Variants in MYT1L observed in about 807,000 individuals in gnomAD.
MYT1L encodes the protein myelin transcription factor 1-like protein.
Under a neutral mutation model 126.7 loss-of-function variants are expected in MYT1L, and 12 were observed. The ratio of observed to expected loss-of-function variants is 0.09; its 90% CI spans 0.06 to 0.15. The LOEUF is 0.15. MYT1L is among the 10% of genes least tolerant of loss of function. The probability of loss-of-function intolerance (pLI) is 1.00; values close to 1 mark genes in which losing one functional copy is unlikely to be tolerated. For synonymous variants in MYT1L, 541 were observed against 604.2 expected, an observed-to-expected ratio of 0.90 and a Z score of 1.53; for missense variants, 979 against 1,585.2, an observed-to-expected ratio of 0.62 and a Z score of 6.49.
At chr2:2,254,318 T>TC (rs1406462003) in intron 2 of MYT1L, among the ~76,000 whole-genome samples, 1 of 152,202 alleles carries the variant, frequency 6.6e-6, no homozygotes, top group Admixed American at 6.5e-5. Context: ...AGAGTCGAAC[T>TC]CCATCAATCC....
intron 18 of MYT1L, among the ~76,000 whole-genome samples, chr2:1,857,076 C>A (rs1393708737): frequency 6.6e-6 from 1 of 152,158 alleles, no homozygotes; most frequent in Admixed American, 6.6e-5. Context: ...GTCCTCCCAG[C>A]CTGACTCAGT....
rs1328305187 is a variant in MYT1L at position 2,224,716 on chromosome 2, AG to A, written c.-420-51729del. On this transcript the variant is annotated intron_variant, in intron 2 of 24. Transcript: ENST00000647738. This position sits in a 1 kb window ranked among gnomAD's most constrained non-coding sequence, Gnocchi z 4.0. Reference sequence around the variant, plus strand: ...CACCTGTAGTCCCAGCTACTTGGGAAGCTGAGACAGGAGAATGACATGAACC... The same window carrying A: ...CACCTGTAGTCCCAGCTACTTGGGAACTGAGACAGGAGAATGACATGAACC... Among the ~76,000 whole-genome samples the A allele has an allele frequency of 6.6e-6, 1 of 151,976 alleles. No homozygotes were observed. The highest frequency in any genetic ancestry group is 1.5e-5 in the Non-Finnish European group (1 of 67,966).
intron 2 of MYT1L, among the ~76,000 whole-genome samples, chr2:2,196,609 A>T (rs867249513): frequency 2.8e-4 from 42 of 151,854 alleles, no homozygotes; most frequent in Admixed American, 3.3e-4. Flanking sequence ...ACAGTAACAC[A>T]CAAATAGGGG....
chr2:1,922,908 G>A lies in MYT1L; in HGVS notation c.861C>T (p.Asp287=). The change falls in exon 10 of 25, where the codon GAC becomes GAT. Residue 287 remains aspartate, a synonymous_variant. Transcript: ENST00000647738. The surrounding 1 kb of genome is among the most constrained non-coding windows in gnomAD (Gnocchi z 7.4). The part of the protein sequence containing the change: ...SENMNDRNYA[D]SMSQQDSRNM... ...TTCTACTGTCTTGCTGCGACATGCTGTCTGCATAATTTCTGTCATTCATGT... is the reference window on the plus strand; with the variant it reads ...TTCTACTGTCTTGCTGCGACATGCTATCTGCATAATTTCTGTCATTCATGT... 1 of 1,614,018 alleles carries A rather than the reference G, an allele frequency of 6.2e-7. No homozygotes were observed. Among genetic ancestry groups the A allele is most frequent in the Non-Finnish European group, 8.5e-7 (1 of 1,179,902 alleles).
chr2:1,969,587 G>A (rs1030195044), intron 8 of MYT1L, among the ~76,000 whole-genome samples: 7 of 152,202 alleles, frequency 4.6e-5, no homozygotes, highest in African/African-American at 1.2e-4. Flanking sequence ...CTAGGAAGGC[G>A]GCCCCGCCTC....
intron 18 of MYT1L, among the ~76,000 whole-genome samples, chr2:1,880,406 C>T (rs1007908810): frequency 6.6e-6 from 1 of 152,104 alleles, no homozygotes; most frequent in Non-Finnish European, 1.5e-5. Context: ...GGCGCGATCT[C>T]GGCTCACTGC....
In MYT1L at chr2:2,099,987, G is replaced by A. The variant is rs147396216; in HGVS notation, c.-303-45864C>T. Among the ~76,000 whole-genome samples the A allele has an allele frequency of 2.6e-5, 4 of 152,296 alleles. No individual in the cohort carries two copies. In the East Asian group the frequency reaches 7.7e-4, roughly 29 times the overall value. ...AGTGGGAATGGGCGCCATAGGCCTT[G>A]TCCATCCTCACCCTGTCCATCCTCA... On this transcript the variant is annotated intron_variant, in intron 3 of 24. Coordinates refer to ENST00000647738, the MANE Select transcript of MYT1L (RefSeq NM_001303052.2).
At chr2:1,990,862 C>T (rs1305488193) in intron 5 of MYT1L, among the ~76,000 whole-genome samples, 2 of 152,214 alleles carry the variant, frequency 1.3e-5, no homozygotes, top group African/African-American at 4.8e-5. Flanking sequence ...AAGGCTGGCG[C>T]ATGCCCTGGT....
At chr2:2,137,747 A>C (rs181368195) in intron 3 of MYT1L, among the ~76,000 whole-genome samples, 171 of 152,276 alleles carry the variant, frequency 1.1e-3, no homozygotes, top group African/African-American at 3.5e-3. Context: ...CTAGAAGAAA[A>C]CCTAGGCACT....
At chr2:1,946,222 C>G (rs1200588385) in intron 8 of MYT1L, among the ~76,000 whole-genome samples, 1 of 152,048 alleles carries the variant, frequency 6.6e-6, no homozygotes, top group Non-Finnish European at 1.5e-5. Context: ...TCTCCCATCA[C>G]ACCCAGATGG....
In MYT1L at chr2:1,943,372, A is replaced by G. The variant is rs2056879406; in HGVS notation, c.153-38T>C. On this transcript the variant is annotated intron_variant, in intron 8 of 24. Transcript: ENST00000647738. The surrounding 1 kb of genome is among the most constrained non-coding windows in gnomAD (Gnocchi z 4.4). ...ATAGAGAAGGCAGGGGAGAGAGAGA[A>G]AAAAAATATCTGTGTTACTGTCTTT... The G allele has an allele frequency of 1.3e-6, 2 of 1,491,692 alleles. No individual in the cohort carries two copies. The highest frequency in any genetic ancestry group is 1.4e-5 in the South Asian group (1 of 71,636). 92.4% of individuals were successfully genotyped at this position (1,491,692 alleles called of 1,614,324 possible). A position where few individuals can be genotyped will look rare whatever the true frequency, so the allele number is the denominator to read the frequency against.
At position 2,330,219 on chromosome 2, in the gene MYT1L, C is replaced by A. The variant is rs2096276490; in HGVS notation, c.-521+748G>T. Among the ~76,000 whole-genome samples the A allele has an allele frequency of 2.0e-5, 3 of 152,108 alleles. No homozygotes were observed. The South Asian group carries it at 6.2e-4, about 32-fold the overall frequency. ...AAGGCTCTTATATAAAATAGTTTTA[C>A]TCTAAGTAACTTAGAAATTATTTAG... On this transcript the variant is annotated intron_variant, in intron 1 of 24. Coordinates refer to ENST00000647738, the MANE Select transcript of MYT1L (RefSeq NM_001303052.2).
rs373452410 is a variant in MYT1L, at chr2:2,226,465, C to T, written c.-420-53477G>A. ...GAGTCATGGCCGTGGACACCGCTCT[C>T]CTGGATCCCGTCCACCCTGGGGATG... On this transcript the variant is annotated intron_variant, in intron 2 of 24. Transcript: ENST00000647738. Among the ~76,000 whole-genome samples the T allele has an allele frequency of 3.7e-4, 56 of 152,304 alleles. 1 individual carries two copies. Among genetic ancestry groups the T allele is most frequent in the African/African-American group, 1.2e-3 (51 of 41,558 alleles).
chr2:2,262,341 G>A (rs902395294), intron 2 of MYT1L, among the ~76,000 whole-genome samples: 1 of 151,974 alleles, frequency 6.6e-6, no homozygotes, highest in African/African-American at 2.4e-5. Context: ...TCCAGCCTGG[G>A]TGACAGAGAA....
rs2052240563 is a variant in MYT1L at position 1,912,807 on chromosome 2, G to T, written c.1619-697C>A. Among the ~76,000 whole-genome samples the T allele has an allele frequency of 6.6e-6, 1 of 152,164 alleles. No homozygotes were observed. Among genetic ancestry groups the T allele is most frequent in the Non-Finnish European group, 1.5e-5 (1 of 68,036 alleles). On this transcript the variant is annotated intron_variant, in intron 11 of 24. Coordinates refer to ENST00000647738, the MANE Select transcript of MYT1L (RefSeq NM_001303052.2). This position sits in a 1 kb window ranked among gnomAD's most constrained non-coding sequence, Gnocchi z 4.3. ...TGTGGTGCAAGGATGCTACTGGCTG[G>T]TCGGCAGGGGAGAGCTGCTTGAATT...
chr2:2,061,438 T>C (rs1171047583), intron 3 of MYT1L, among the ~76,000 whole-genome samples: 1 of 152,098 alleles, frequency 6.6e-6, no homozygotes. Context: ...GTTCTAAATA[T>C]AGAAATTGAA....
At chr2:2,102,940 T>TAA (rs957949514) in intron 3 of MYT1L, among the ~76,000 whole-genome samples, 3 of 146,096 alleles carry the variant, frequency 2.1e-5, no homozygotes, top group Non-Finnish European at 4.5e-5. Context: ...TCATAACACT[T>TAA]AAAAAAAAAA....
intron 3 of MYT1L, among the ~76,000 whole-genome samples, chr2:2,120,786 T>C (rs138504280): frequency 1.1e-4 from 17 of 152,260 alleles, no homozygotes; most frequent in African/African-American, 4.1e-4. Context: ...AATGTGCGCA[T>C]TGCACACACG....
chr2:2,188,577 A>G (rs949637104), intron 2 of MYT1L, among the ~76,000 whole-genome samples: 1 of 152,212 alleles, frequency 6.6e-6, no homozygotes, highest in Non-Finnish European at 1.5e-5. Context: ...GGCTAGGTCT[A>G]TTAAGAGTCA....
Sources: allele counts gnomAD v4.1 joint callset (sites outside exome capture counted in the v4.1 genomes callset), GRCh38; gene constraint gnomAD v4.1.1; non-coding constraint Gnocchi (gnomAD v3.1); transcripts MANE v1.5; gene names NCBI Gene and HGNC (gene_info 2026-07-23, HGNC 2026-07-21).